ASB15: variants seen among roughly 807,000 people sequenced by gnomAD.
ASB15 encodes ankyrin repeat and SOCS box protein 15.
In ASB15, 54 loss-of-function variants were observed where a neutral mutation model predicts 58.0. The observed-to-expected ratio is 0.93, with a 90% CI of 0.75 to 1.17. The LOEUF (loss-of-function observed/expected upper bound fraction) is 1.17, where lower values mean the gene tolerates loss of function less well. Among genes scored for constraint, ASB15 ranks in the 50% most tolerant of loss-of-function variants. ASB15 has a pLI of 0.00. For synonymous variants in ASB15, 249 were observed against 262.4 expected (o/e 0.95, Z 0.50); for missense variants, 680 against 707.4 (o/e 0.96, Z 0.44).
At chr7:123,584,577 T>A (rs1799326675) in intron 1 of ASB15, among the ~76,000 whole-genome samples, 1 of 151,932 alleles carries the variant, frequency 6.6e-6, no homozygotes, top group Non-Finnish European at 1.5e-5. Flanking sequence ...TATAAGGTTT[T>A]CAACCACTCA....
At chr7:123,576,328 A>C (rs1402760729) in intron 1 of ASB15, among the ~76,000 whole-genome samples, 8 of 151,198 alleles carry the variant, frequency 5.3e-5, no homozygotes, top group Admixed American at 5.3e-4. Context: ...TTTATATATG[A>C]AGTTGTGTTT....
rs1430794883 is a variant in ASB15, at chr7:123,602,565, G to A, written c.-245+651G>A. Among the ~76,000 whole-genome samples the A allele has an allele frequency of 2.6e-5, 4 of 152,142 alleles. No individual in the cohort carries two copies. In the East Asian group the frequency reaches 5.8e-4, roughly 22 times the overall value. ...TTCCACGAAGTAAAGCAGTGATGTGGACAAGAAAAATCTTATCACTGCTTT... is the reference window on the plus strand; with the variant it reads ...TTCCACGAAGTAAAGCAGTGATGTGAACAAGAAAAATCTTATCACTGCTTT... On this transcript the variant is annotated intron_variant, in intron 1 of 11. Transcript: ENST00000451215.
chr7:123,568,182 A>C (rs1798809834), intron 1 of ASB15, among the ~76,000 whole-genome samples: 1 of 152,186 alleles, frequency 6.6e-6, no homozygotes, highest in Non-Finnish European at 1.5e-5. Flanking sequence ...ATTTGGATTA[A>C]GTTTAATATT....
chr7:123,578,886 T>C (rs1333970961), intron 1 of ASB15, among the ~76,000 whole-genome samples: 4 of 152,128 alleles, frequency 2.6e-5, no homozygotes, highest in African/African-American at 9.7e-5. Context: ...CCTATGACAA[T>C]GTAATTTACA....
chr7:123,570,680 T>A (rs1279122834), intron 1 of ASB15, among the ~76,000 whole-genome samples: 1 of 151,792 alleles, frequency 6.6e-6, no homozygotes, highest in African/African-American at 2.4e-5. Context: ...TGGTAAATCT[T>A]GTATTAGTTC....
At chr7:123,631,031 T>G (rs1221828466) in intron 11 of ASB15, among the ~76,000 whole-genome samples, 1 of 152,086 alleles carries the variant, frequency 6.6e-6, no homozygotes, top group African/African-American at 2.4e-5. Flanking sequence ...TGCCTAGGAG[T>G]AGGATTGCTA....
At position 123,629,443 on chromosome 7, in the gene ASB15, T is replaced by C. The variant is rs1403252914; in HGVS notation, c.1440+9T>C. The C allele has an allele frequency of 1.3e-6, 2 of 1,575,204 alleles. No homozygotes were observed. The highest frequency in any genetic ancestry group is 1.7e-6 in the Non-Finnish European group (2 of 1,157,806). ...TAATAAAAGATAACCCGGTGAGTTA[T>C]GCCTTTTCTGCTTTATATTGAGTTA... On this transcript the variant is annotated intron_variant, in intron 10 of 11. Transcript: ENST00000451215.
rs1225646022 is a variant in ASB15, at chr7:123,617,710, G to A, written c.424G>A (p.Asp142Asn). The A allele has an allele frequency of 1.9e-6, 3 of 1,612,728 alleles. No individual in the cohort carries two copies. The highest frequency in any genetic ancestry group is 4.5e-5 in the East Asian group (2 of 44,864). Reference protein sequence around the residue: ...EKGVWPNTKNDKGETPLLIAV... With the variant: ...EKGVWPNTKNNKGETPLLIAV... The stretch of plus-strand genomic sequence containing the variant: ...GGGAGTGTGGCCCAACACAAAAAAT[G>A]ATAAAGGAGAGACCCCCCTTCTGAT... Residue 142 changes from aspartate to asparagine, a missense_variant, in exon 7 of 12, where the codon GAT (aspartate) becomes AAT (asparagine). By Grantham distance (23) the Asp-to-Asn change is conservative. Transcript: ENST00000451215.
chr7:123,628,955 G>T lies in ASB15; in HGVS notation c.961G>T (p.Ala321Ser). ...PIHSAADGQN[A>S]QCLELLIENG... ...TCACTCAGCAGCAGATGGACAAAATGCACAGTGTCTAGAACTGCTCATTGA... is the reference window on the plus strand; with the variant it reads ...TCACTCAGCAGCAGATGGACAAAATTCACAGTGTCTAGAACTGCTCATTGA... Residue 321 changes from alanine (A) to serine (S), a missense_variant, in exon 10 of 12, where the codon GCA becomes TCA. Ala to Ser is a moderately conservative substitution (Grantham distance 99, BLOSUM62 1). Transcript: ENST00000451215. 1.9e-6 allele frequency: 3 copies of T among 1,610,782 alleles called. No homozygotes were observed. The highest frequency in any genetic ancestry group is 2.5e-6 in the Non-Finnish European group (3 of 1,178,350).
intron 4 of ASB15, among the ~76,000 whole-genome samples, chr7:123,615,905 G>C (rs1052159191): frequency 2.0e-5 from 3 of 152,104 alleles, no homozygotes; most frequent in Middle Eastern, 6.3e-3. Flanking sequence ...ATCAGGCTGG[G>C]AATTGAACCT....
At chr7:123,607,154 T>C (rs1800187248) in intron 2 of ASB15, among the ~76,000 whole-genome samples, 1 of 152,232 alleles carries the variant, frequency 6.6e-6, no homozygotes, top group Admixed American at 6.5e-5. Flanking sequence ...AAGTTGTACA[T>C]GGTAAATACA....
chr7:123,571,154 T>G (rs886765071), intron 1 of ASB15, among the ~76,000 whole-genome samples: 1 of 152,190 alleles, frequency 6.6e-6, no homozygotes, highest in Non-Finnish European at 1.5e-5. Context: ...ACAAATACAA[T>G]TGAGAAGCAC....
At chr7:123,586,677 AG>A (rs1247878727) in intron 1 of ASB15, among the ~76,000 whole-genome samples, 6 of 151,684 alleles carry the variant, frequency 4.0e-5, no homozygotes, top group Admixed American at 4.0e-4. Flanking sequence ...TTTTTCTTCT[AG>A]TAGTTTTACA....
In ASB15 at chr7:123,617,598, G is replaced by T; in HGVS notation, c.312G>T (p.Trp104Cys). ...TCACAGCATCCTATAAGACACTCTG[G>T]GAATTCAAGACCTGTGATGGAGAAA... ...IVLDASYKTL[W>C]EFKTCDGETP... The change falls in exon 7 of 12, where the codon TGG (tryptophan) becomes TGT (cysteine). Residue 104 changes from tryptophan (W) to cysteine (C), a missense_variant. Trp to Cys is a radical substitution (Grantham distance 215). Transcript: ENST00000451215. 1.9e-6 allele frequency: 3 copies of T among 1,611,292 alleles called. No individual in the cohort carries two copies. The highest frequency in any genetic ancestry group is 2.5e-6 in the Non-Finnish European group (3 of 1,177,634).
chr7:123,628,999 C>T lies in ASB15; in HGVS notation c.1005C>T (p.Asn335=). 6.2e-7 allele frequency: 1 copy of T among 1,613,774 alleles called. No homozygotes were observed. Among genetic ancestry groups the T allele is most frequent in the Non-Finnish European group, 8.5e-7 (1 of 1,179,674 alleles). ...TCATTGAAAATGGTTTTGATGTCAA[C>T]ACTCTACTTGCTGACCACATTTCCC... ...ELLIENGFDV[N]TLLADHISQS... is the part of the protein sequence containing the mutation. The change falls in exon 10 of 12, where the codon AAC becomes AAT. Residue 335 remains asparagine (N), a synonymous_variant. Transcript: ENST00000451215.
intron 6 of ASB15, 101 bp downstream of exon 6, chr7:123,616,596 C>A: frequency 1.6e-6 from 2 of 1,267,186 alleles, no homozygotes; most frequent in Non-Finnish European, 2.2e-6. Context: ...AAAGAAAAGG[C>A]AGATTAAAAT....
At position 123,631,227 on chromosome 7, in the gene ASB15, C is replaced by A. The variant is rs376608333; in HGVS notation, c.1594+1108C>A. 4.6e-5 allele frequency among the ~76,000 whole-genome samples: 7 copies of A among 152,198 alleles called. No homozygotes were observed. In the South Asian group the frequency reaches 6.2e-4, roughly 14 times the overall value. On this transcript the variant is annotated intron_variant, in intron 11 of 11. Coordinates refer to ENST00000451215, the MANE Select transcript of ASB15 (RefSeq NM_001290258.2). ...TATTCTTCTTATGCCTAGGTTTTCC[C>A]ATTGCAAAGTAGATGTAAGATAGTA...
At chr7:123,568,818 C>A (rs1798829530) in intron 1 of ASB15, among the ~76,000 whole-genome samples, 2 of 151,608 alleles carry the variant, frequency 1.3e-5, no homozygotes, top group Non-Finnish European at 2.9e-5. Flanking sequence ...AAATGAATAC[C>A]TTAACATAAT....
intron 1 of ASB15, among the ~76,000 whole-genome samples, chr7:123,591,238 T>A (rs907823632): frequency 1.3e-5 from 2 of 152,208 alleles, no homozygotes; most frequent in Non-Finnish European, 2.9e-5. Flanking sequence ...AATCATGTCA[T>A]CTGCAAATAC....
Sources: gnomAD v4.1 joint callset for allele counts (sites outside exome capture counted in the v4.1 genomes callset) on GRCh38, gnomAD v4.1.1 for gene constraint, MANE v1.5 for transcripts, NCBI Gene and HGNC (gene_info 2026-07-23, HGNC 2026-07-21) for gene names.